The following IPO7 variants were observed in gnomAD, a reference collection of about 807,000 sequenced individuals.
The protein encoded by IPO7 is importin 7, also known as importin-7.
Under a neutral mutation model 136.4 loss-of-function variants are expected in IPO7, and 13 were observed. The ratio of observed to expected loss-of-function variants is 0.10; its 90% CI spans 0.06 to 0.15. IPO7 has a LOEUF of 0.15. Ranked by LOEUF, IPO7 falls within the 10% of genes least tolerant of loss-of-function variation. The pLI is 1.00. For missense variants in IPO7, 857 were observed against 1,240.6 expected, an observed-to-expected ratio of 0.69 and a Z score of 4.65; for synonymous variants, 403 against 404.4, an observed-to-expected ratio of 1.00 and a Z score of 0.04.
intron 24 of IPO7, 101 bp from the exon 25 acceptor site, chr11:9,444,996 A>C: frequency 1.4e-6 from 1 of 736,486 alleles, no homozygotes; most frequent in Non-Finnish European, 2.4e-6. Context: ...CTTCCTGGCC[A>C]CTAATGATGG....
intron 24 of IPO7, 136 bp from the exon 25 acceptor site, chr11:9,444,961 A>G: frequency 3.1e-6 from 2 of 636,768 alleles, no homozygotes; most frequent in Admixed American, 2.5e-5. Context: ...GCCCTTATAC[A>G]TTGGAGAAAT....
At chr11:9,395,282 C>T (rs1387550075) in intron 1 of IPO7, among the ~76,000 whole-genome samples, 2 of 151,882 alleles carry the variant, frequency 1.3e-5, no homozygotes, top group Non-Finnish European at 2.9e-5. Flanking sequence ...TCACTCTTTT[C>T]GCCCAGGCTA....
At chr11:9,433,295 A>G (rs968464927) in intron 16 of IPO7, 13 of 388,148 alleles carry the variant, frequency 3.3e-5, no homozygotes, top group Admixed American at 8.4e-5. Flanking sequence ...CAACTCCTTT[A>G]TTTTCATAGT....
chr11:9,385,582 G>T (rs1854541463), intron 1 of IPO7, among the ~76,000 whole-genome samples: 2 of 152,174 alleles, frequency 1.3e-5, no homozygotes, highest in Admixed American at 6.5e-5. Flanking sequence ...TGGGCCAGTC[G>T]CTTAACCTCT....
At chr11:9,422,470 G>C (rs1431578280) in intron 8 of IPO7, among the ~76,000 whole-genome samples, 1 of 151,818 alleles carries the variant, frequency 6.6e-6, no homozygotes, top group Non-Finnish European at 1.5e-5. Context: ...TAGATCCTCT[G>C]AAATAGTCTT....
At chr11:9,429,272 C>T (rs1286745318) in intron 14 of IPO7, 76 bp downstream of exon 14, 23 of 1,249,708 alleles carry the variant, frequency 1.8e-5, no homozygotes, top group Non-Finnish European at 2.5e-5. Flanking sequence ...CTTAGCACTT[C>T]GGTAGGCTTA....
chr11:9,438,076 TTAG>T lies in IPO7; in HGVS notation c.2490-3_2490-1del. ...TTTTTTTTTTTTTTTTTTTTTTTTT[TTAG>T]GCTTCATGACAGAAAGATGTGTGTT... On this transcript the variant is annotated splice_acceptor_variant and splice_polypyrimidine_tract_variant and intron_variant, in intron 21 of 24. Transcript: ENST00000379719. LOFTEE classifies it high-confidence loss of function. 2 of 1,269,596 alleles carry T rather than the reference TTAG, an allele frequency of 1.6e-6. No homozygotes were observed. Among genetic ancestry groups the T allele is most frequent in the Admixed American group, 2.3e-5 (1 of 42,582 alleles). 78.6% of individuals were successfully genotyped at this position (1,269,596 alleles called of 1,614,324 possible).
chr11:9,413,063 A>G (rs562731452), intron 4 of IPO7, among the ~76,000 whole-genome samples: 9 of 152,080 alleles, frequency 5.9e-5, no homozygotes, highest in African/African-American at 1.9e-4. Context: ...GCATTTTAGT[A>G]GAGACGGGGT....
intron 1 of IPO7, among the ~76,000 whole-genome samples, chr11:9,385,362 C>T (rs1854537704): frequency 6.6e-6 from 1 of 152,202 alleles, no homozygotes; most frequent in South Asian, 2.1e-4. Context: ...ACAACTTCCT[C>T]CTCTCTGGCT....
At chr11:9,438,048 T>TTG (rs1855405616) in intron 21 of IPO7, 32 bp from the exon 22 acceptor site, 7 of 305,864 alleles carry the variant, frequency 2.3e-5, no homozygotes, top group South Asian at 1.5e-4. Flanking sequence ...GAAAACAGTT[T>TTG]TTTTTTTTTT....
At chr11:9,441,386 GAAATT>G (rs1855458066) in intron 23 of IPO7, among the ~76,000 whole-genome samples, 2 of 152,168 alleles carry the variant, frequency 1.3e-5, no homozygotes, top group Admixed American at 6.5e-5. Flanking sequence ...TCCACGTTAA[GAAATT>G]AAATTTCCCC....
chr11:9,403,012 A>T, intron 1 of IPO7: 1 of 343,608 alleles, frequency 2.9e-6, no homozygotes, highest in Non-Finnish European at 5.4e-6. Context: ...ACAGAGTGAG[A>T]CTCTGTCTCA....
intron 1 of IPO7, among the ~76,000 whole-genome samples, chr11:9,385,167 A>T (rs1476247779): frequency 6.6e-6 from 1 of 152,132 alleles, no homozygotes; most frequent in Non-Finnish European, 1.5e-5. Context: ...CCTCTGGCTC[A>T]TTCCCAGCTG....
rs1466251960 is a variant in IPO7, at chr11:9,420,707, G to A, written c.906+9G>A. 4.4e-6 allele frequency: 7 copies of A among 1,579,320 alleles called. No homozygotes were observed. Among genetic ancestry groups the A allele is most frequent in the Non-Finnish European group, 6.1e-6 (7 of 1,150,242 alleles). On this transcript the variant is annotated intron_variant, in intron 8 of 24. Transcript: ENST00000379719. ...CTGTTGGTGTCCAGCAAGTAAGTCTGTTTTTAGTTTTTCTCAGTGGAAACA... is the reference window on the plus strand; with the variant it reads ...CTGTTGGTGTCCAGCAAGTAAGTCTATTTTTAGTTTTTCTCAGTGGAAACA...
rs79921879 is a variant in IPO7 at position 9,439,453 on chromosome 11, A to C, written c.2696-1002A>C. On this transcript the variant is annotated intron_variant, in intron 22 of 24. Coordinates refer to ENST00000379719, the MANE Select transcript of IPO7 (RefSeq NM_006391.3). ...TTCTTTAAAAAAAGTTGTGGGGATT[A>C]CATGAGGGAATCCTTGACGCTTAAA... Among the ~76,000 whole-genome samples, 26 of 152,200 alleles carry C rather than the reference A, an allele frequency of 1.7e-4. No individual in the cohort carries two copies. In the East Asian group the frequency reaches 4.7e-3, roughly 27 times the overall value.
At chr11:9,405,299 C>A (rs192868299) in intron 2 of IPO7, among the ~76,000 whole-genome samples, 1 of 151,832 alleles carries the variant, frequency 6.6e-6, no homozygotes, top group African/African-American at 2.4e-5. Context: ...CTCAGCCTCC[C>A]GAGTAGCTGG....
At chr11:9,399,060 C>T (rs576098222) in intron 1 of IPO7, among the ~76,000 whole-genome samples, 3 of 151,798 alleles carry the variant, frequency 2.0e-5, no homozygotes. Flanking sequence ...TTTAAAAGAT[C>T]TTTGGCTGCT....
At chr11:9,436,870 T>TATATA (rs1855383009) in intron 20 of IPO7, among the ~76,000 whole-genome samples, 13 of 12,912 alleles carry the variant, frequency 1.0e-3, no homozygotes, top group Non-Finnish European at 1.2e-3. Flanking sequence ...ATATATATAT[T>TATATA]TTTTTTTTTT....
chr11:9,446,329 T>C lies in IPO7; in HGVS notation c.*1135T>C, dbSNP rs148726795. The C allele has an allele frequency of 6.6e-6, 1 of 152,186 alleles. No homozygotes were observed. Among genetic ancestry groups the C allele is most frequent in the Non-Finnish European group, 1.5e-5 (1 of 68,030 alleles). The allele number at this position is 152,186 out of a possible 1,614,324, so 9.4% of individuals were successfully genotyped here. On this transcript the variant is annotated 3_prime_UTR_variant, in exon 25 of 25. Transcript: ENST00000379719. ...TAGAAGGAGTACAAAATGCACACTT[T>C]ACAAAATTGATATTTAACACTTACC...
Sources: gnomAD v4.1 joint callset for allele counts (sites outside exome capture counted in the v4.1 genomes callset) on GRCh38, gnomAD v4.1.1 for gene constraint, MANE v1.5 for transcripts, NCBI Gene and HGNC (gene_info 2026-07-23, HGNC 2026-07-21) for gene names.